ADAM10: variants seen among roughly 807,000 people sequenced by gnomAD.
ADAM10 encodes ADAM metallopeptidase domain 10.
Under a neutral mutation model 90.1 loss-of-function variants are expected in ADAM10, and 17 were observed. The observed-to-expected ratio is 0.19, with a 90% CI of 0.13 to 0.28. The LOEUF is 0.28. ADAM10 is among the 10% of genes least tolerant of loss of function. The pLI is 1.00. For synonymous variants in ADAM10, 310 were observed against 298.6 expected, an observed-to-expected ratio of 1.04 and a Z score of -0.40; for missense variants, 610 against 914.3, an observed-to-expected ratio of 0.67 and a Z score of 4.29.
chr15:58,723,483 G>C (rs2140825965), intron 1 of ADAM10, among the ~76,000 whole-genome samples: 1 of 152,114 alleles, frequency 6.6e-6, no homozygotes, highest in South Asian at 2.1e-4. Context: ...TCAGGAGTTT[G>C]AGACCAGCCT....
At chr15:58,717,874 C>T (rs1208521114) in intron 1 of ADAM10, 147 bp from the exon 2 acceptor site, 2 of 1,224,692 alleles carry the variant, frequency 1.6e-6, no homozygotes. Flanking sequence ...AATATTAACA[C>T]ATATATTATT....
intron 8 of ADAM10, among the ~76,000 whole-genome samples, chr15:58,633,618 C>A (rs796787816): frequency 8.5e-4 from 130 of 152,150 alleles, no homozygotes; most frequent in African/African-American, 2.9e-3. Flanking sequence ...ATCAAAATGT[C>A]CCCCAAATGT....
chr15:58,717,763 T>A lies in ADAM10; in HGVS notation c.56-36A>T, dbSNP rs372164405. On this transcript the variant is annotated intron_variant, in intron 1 of 15. Coordinates refer to ENST00000260408, the MANE Select transcript of ADAM10 (RefSeq NM_001110.4). Reference sequence around the variant, plus strand: ...AAAACAACATTCTGAATTAGTATCATCTTGAAGACCCCTTCTAGTTCTAAC... The same window carrying A: ...AAAACAACATTCTGAATTAGTATCAACTTGAAGACCCCTTCTAGTTCTAAC... 4 of 1,596,488 alleles carry A rather than the reference T, an allele frequency of 2.5e-6. No individual in the cohort carries two copies. The African/African-American group carries it at 5.4e-5, about 21-fold the overall frequency.
At chr15:58,674,920 T>TACA (rs1897277427) in intron 4 of ADAM10, among the ~76,000 whole-genome samples, 1 of 152,246 alleles carries the variant, frequency 6.6e-6, no homozygotes, top group Admixed American at 6.5e-5. Context: ...CCGGGCACAG[T>TACA]GGCTCACGCC....
intron 2 of ADAM10, chr15:58,692,204 T>G (rs755589561): frequency 3.5e-6 from 2 of 566,336 alleles, no homozygotes; most frequent in Non-Finnish European, 7.1e-6. Flanking sequence ...TGATGAGGGA[T>G]GAACAGCAAT....
intron 2 of ADAM10, among the ~76,000 whole-genome samples, chr15:58,695,948 C>T (rs1281938739): frequency 4.6e-5 from 7 of 152,068 alleles, no homozygotes; most frequent in Non-Finnish European, 1.0e-4. Flanking sequence ...GAAACCCCAT[C>T]TCTACTGAAA....
chr15:58,649,797 C>A (rs1354029969), intron 5 of ADAM10, among the ~76,000 whole-genome samples: 1 of 152,168 alleles, frequency 6.6e-6, no homozygotes, highest in Non-Finnish European at 1.5e-5. Flanking sequence ...GCCCTAATTA[C>A]AGGGCTTAAT....
chr15:58,689,916 C>T (rs146442492), intron 2 of ADAM10, among the ~76,000 whole-genome samples: 1,775 of 145,606 alleles, frequency 0.012, 21 homozygotes, highest in Non-Finnish European at 0.02. Context: ...TTTTATGTGG[C>T]TCACTCTGAT....
chr15:58,599,372 C>T (rs1294924156), intron 15 of ADAM10, among the ~76,000 whole-genome samples: 1 of 150,648 alleles, frequency 6.6e-6, no homozygotes, highest in Non-Finnish European at 1.5e-5. Flanking sequence ...ATTTCTAGTT[C>T]TAAATATTTT....
At chr15:58,618,309 G>A (rs956565275) in intron 11 of ADAM10, among the ~76,000 whole-genome samples, 2 of 152,212 alleles carry the variant, frequency 1.3e-5, no homozygotes, top group East Asian at 3.9e-4. Flanking sequence ...TGGGAAAACT[G>A]GATACCTATA....
At chr15:58,621,083 G>C (rs376705786) in intron 11 of ADAM10, among the ~76,000 whole-genome samples, 1 of 151,192 alleles carries the variant, frequency 6.6e-6, no homozygotes, top group Non-Finnish European at 1.5e-5. Flanking sequence ...GGCAAATGGC[G>C]TAACTCTGTC....
At chr15:58,652,039 T>C (rs140223912) in intron 5 of ADAM10, among the ~76,000 whole-genome samples, 1 of 152,312 alleles carries the variant, frequency 6.6e-6, no homozygotes, top group Non-Finnish European at 1.5e-5. Flanking sequence ...TTGCCATTTG[T>C]ATGTCTTCTT....
chr15:58,730,289 A>G (rs1160452915), intron 1 of ADAM10, among the ~76,000 whole-genome samples: 1 of 152,210 alleles, frequency 6.6e-6, no homozygotes, highest in Non-Finnish European at 1.5e-5. Flanking sequence ...AAGTTTCCAA[A>G]TAACGTAGAA....
Position 58,592,110 on chromosome 15 carries a change from A to C in ADAM10, c.*5437T>G, listed in dbSNP as rs575781919. On this transcript the variant is annotated 3_prime_UTR_variant, in exon 16 of 16. Coordinates refer to ENST00000260408, the MANE Select transcript of ADAM10 (RefSeq NM_001110.4). ...GTATTTCTAATGAAGGGGTAGTTAG[A>C]TCAGGAGGCTTCATCATGATGAGAT... 6.6e-6 allele frequency: 1 copy of C among 152,300 alleles called. No homozygotes were observed. Among genetic ancestry groups the C allele is most frequent in the Non-Finnish European group, 1.5e-5 (1 of 68,028 alleles). 9.4% of individuals were successfully genotyped at this position (152,300 alleles called of 1,614,324 possible). A position where few individuals can be genotyped will look rare whatever the true frequency, so the allele number is the denominator to read the frequency against.
chr15:58,721,183 T>A (rs1898840608), intron 1 of ADAM10, among the ~76,000 whole-genome samples: 1 of 152,208 alleles, frequency 6.6e-6, no homozygotes, highest in African/African-American at 2.4e-5. Context: ...CTTTTCTCTG[T>A]CCCACACACA....
intron 3 of ADAM10, among the ~76,000 whole-genome samples, chr15:58,681,210 G>T (rs879336526): frequency 6.6e-6 from 1 of 152,080 alleles, no homozygotes; most frequent in Non-Finnish European, 1.5e-5. Flanking sequence ...TAAGTTATTT[G>T]CCCAGAAAGA....
chr15:58,689,950 C>CG (rs1555418412), intron 2 of ADAM10, among the ~76,000 whole-genome samples: 1 of 132,728 alleles, frequency 7.5e-6, no homozygotes, highest in South Asian at 2.7e-4. Flanking sequence ...ACAGACCCCC[C>CG]CCAAAAAAAA....
At chr15:58,733,424 G>A (rs974294101) in intron 1 of ADAM10, among the ~76,000 whole-genome samples, 4 of 152,144 alleles carry the variant, frequency 2.6e-5, no homozygotes, top group Non-Finnish European at 5.9e-5. Context: ...TGTGGACAAT[G>A]GTAGCTGAGA....
chr15:58,663,787 T>C (rs1396612736), intron 5 of ADAM10, among the ~76,000 whole-genome samples: 4 of 152,136 alleles, frequency 2.6e-5, no homozygotes, highest in African/African-American at 9.7e-5. Flanking sequence ...ACATTTATTC[T>C]ATAATATATA....
Sources: allele counts gnomAD v4.1 joint callset (sites outside exome capture counted in the v4.1 genomes callset), GRCh38; gene constraint gnomAD v4.1.1; transcripts MANE v1.5; gene names NCBI Gene and HGNC (gene_info 2026-07-23, HGNC 2026-07-21).